The following MEMO1 variants were observed in gnomAD, a reference collection of about 807,000 sequenced individuals.
MEMO1 encodes protein MEMO1.
MEMO1 carries 6 observed loss-of-function variants against 45.2 expected under a neutral mutation model. That is an observed-to-expected ratio of 0.13 (90% CI 0.07 to 0.26). MEMO1 has a LOEUF of 0.26. Ranked by LOEUF, MEMO1 falls within the 10% of genes least tolerant of loss-of-function variation. The probability of loss-of-function intolerance (pLI) is 1.00; values close to 1 mark genes in which losing one functional copy is unlikely to be tolerated. For missense variants in MEMO1, 184 were observed against 370.5 expected (o/e 0.50, Z 4.13); for synonymous variants, 78 against 124.3 (o/e 0.63, Z 2.48).
At chr2:31,943,259 C>G in intron 3 of MEMO1, 43 bp downstream of exon 3, 1 of 1,474,036 alleles carries the variant, frequency 6.8e-7, no homozygotes, top group Non-Finnish European at 9.5e-7. Context: ...AGGGAGACTC[C>G]TTCTCAAAAA....
intron 7 of MEMO1, among the ~76,000 whole-genome samples, chr2:31,887,060 T>C (rs1572572371): frequency 6.6e-6 from 1 of 152,180 alleles, no homozygotes; most frequent in Admixed American, 6.5e-5. Flanking sequence ...GGGTAGCTCA[T>C]TTGTGAATCC....
intron 2 of MEMO1, among the ~76,000 whole-genome samples, chr2:32,006,206 G>T (rs116308965): frequency 1.3e-5 from 2 of 152,170 alleles, no homozygotes; most frequent in Non-Finnish European, 2.9e-5. Flanking sequence ...AATGATCAAA[G>T]GAATGATTTG....
chr2:31,918,752 AT>A (rs1221523052), intron 5 of MEMO1, among the ~76,000 whole-genome samples: 1 of 152,202 alleles, frequency 6.6e-6, no homozygotes, highest in Non-Finnish European at 1.5e-5. Context: ...CATGTAAAAA[AT>A]ATGTATAAGA....
At chr2:31,877,870 G>C (rs751873482) in intron 8 of MEMO1, among the ~76,000 whole-genome samples, 6 of 151,958 alleles carry the variant, frequency 3.9e-5, no homozygotes, top group Non-Finnish European at 8.8e-5. Context: ...TTTAAACTGC[G>C]TACAGGAAGA....
At chr2:31,971,376 G>A (rs573245606) in intron 2 of MEMO1, among the ~76,000 whole-genome samples, 6 of 151,870 alleles carry the variant, frequency 4.0e-5, no homozygotes, top group Non-Finnish European at 7.4e-5. Context: ...GCCTCCCAAC[G>A]AGCTAGGACT....
intron 2 of MEMO1, among the ~76,000 whole-genome samples, chr2:31,985,966 TAAG>T (rs1671208852): frequency 6.6e-6 from 1 of 152,174 alleles, no homozygotes; most frequent in Admixed American, 6.6e-5. Flanking sequence ...CCAACTCTAT[TAAG>T]TATATAAATA....
chr2:31,954,247 A>T (rs934658813), intron 2 of MEMO1, among the ~76,000 whole-genome samples: 5 of 152,128 alleles, frequency 3.3e-5, no homozygotes, highest in African/African-American at 1.2e-4. Flanking sequence ...CCTGCCTTTA[A>T]ATCTTTTTAA....
At chr2:31,880,789 TTG>T (rs1675241477) in intron 8 of MEMO1, among the ~76,000 whole-genome samples, 1 of 150,400 alleles carries the variant, frequency 6.6e-6, no homozygotes, top group Non-Finnish European at 1.5e-5. Context: ...CTAAAATTAT[TTG>T]TGTTATTTAA....
At chr2:32,009,907 G>A (rs1372826034) in intron 2 of MEMO1, among the ~76,000 whole-genome samples, 3 of 151,940 alleles carry the variant, frequency 2.0e-5, no homozygotes, top group Admixed American at 6.5e-5. Flanking sequence ...CTGAGGGAGG[G>A]CGCAGGCTGC....
Position 31,933,352 on chromosome 2 carries a change from T to TAAAAAAA in MEMO1, c.144-1218_144-1217insTTTTTTT, listed in dbSNP as rs1558514359. The stretch of plus-strand genomic sequence containing the variant: ...AAAAAAAAAAAAAAAAAAAAAAATT[T>TAAAAAAA]ATATATATATATATATATATATATA... On this transcript the variant is annotated intron_variant, in intron 3 of 9. Coordinates refer to ENST00000404530, the MANE Select transcript of MEMO1 (RefSeq NM_001301833.4). Among the ~76,000 whole-genome samples, 17 of 12,218 alleles carry TAAAAAAA rather than the reference T, an allele frequency of 1.4e-3. 1 individual carries two copies. Among genetic ancestry groups the TAAAAAAA allele is most frequent in the East Asian group, 3.6e-3 (1 of 274 alleles). The allele number at this position is 12,218 out of a possible 152,430, so 8.0% of individuals were successfully genotyped here.
chr2:31,950,868 C>T (rs919577393), intron 2 of MEMO1, among the ~76,000 whole-genome samples: 10 of 152,114 alleles, frequency 6.6e-5, no homozygotes, highest in Non-Finnish European at 1.5e-5. Flanking sequence ...TTTTCCTCAA[C>T]ATTCACAATC....
intron 6 of MEMO1, among the ~76,000 whole-genome samples, chr2:31,902,651 T>C (rs553747483): frequency 1.8e-4 from 28 of 152,326 alleles, no homozygotes; most frequent in Non-Finnish European, 3.2e-4. Flanking sequence ...CCCTTCTTTT[T>C]TTGTCTTATA....
intron 2 of MEMO1, among the ~76,000 whole-genome samples, chr2:31,961,713 G>A (rs887246357): frequency 1.3e-5 from 2 of 152,072 alleles, no homozygotes; most frequent in Non-Finnish European, 2.9e-5. Flanking sequence ...GGGAGGCAGA[G>A]GGTGCAGTGA....
At chr2:31,921,070 A>C (rs1682252785) in intron 4 of MEMO1, among the ~76,000 whole-genome samples, 160 bp from the exon 5 acceptor site, 1 of 152,224 alleles carries the variant, frequency 6.6e-6, no homozygotes, top group Non-Finnish European at 1.5e-5. Flanking sequence ...TCACATGTTG[A>C]AGAACCAATC....
chr2:31,993,035 T>C (rs952532375), intron 2 of MEMO1, among the ~76,000 whole-genome samples: 1 of 152,122 alleles, frequency 6.6e-6, no homozygotes, highest in Non-Finnish European at 1.5e-5. Context: ...TTTCTACAAA[T>C]AGTGGCACAT....
At chr2:31,926,011 A>G (rs1037268102) in intron 4 of MEMO1, among the ~76,000 whole-genome samples, 1 of 152,172 alleles carries the variant, frequency 6.6e-6, no homozygotes. Context: ...TTTTTACTTC[A>G]AAAGACAACT....
At chr2:31,898,961 T>C (rs1678324368) in intron 6 of MEMO1, among the ~76,000 whole-genome samples, 1 of 152,222 alleles carries the variant, frequency 6.6e-6, no homozygotes, top group Non-Finnish European at 1.5e-5. Flanking sequence ...TTTACCATTA[T>C]GTAATGGCCT....
chr2:31,874,928 T>C (rs1164863781), intron 8 of MEMO1, among the ~76,000 whole-genome samples: 1 of 151,892 alleles, frequency 6.6e-6, no homozygotes, highest in Non-Finnish European at 1.5e-5. Flanking sequence ...CATATATATA[T>C]ACATAGGTAA....
At chr2:31,913,413 T>C (rs772059247) in intron 6 of MEMO1, among the ~76,000 whole-genome samples, 3 of 151,832 alleles carry the variant, frequency 2.0e-5, no homozygotes, top group Non-Finnish European at 4.4e-5. Flanking sequence ...CTAGAAAGTC[T>C]CAGGTATAGC....
Sources: gnomAD v4.1 joint callset for allele counts (sites outside exome capture counted in the v4.1 genomes callset) on GRCh38, gnomAD v4.1.1 for gene constraint, MANE v1.5 for transcripts, NCBI Gene and HGNC (gene_info 2026-07-23, HGNC 2026-07-21) for gene names.